The following ZNF609 variants were observed in gnomAD, a reference collection of about 807,000 sequenced individuals.
ZNF609 encodes zinc finger protein 609.
In ZNF609, 11 loss-of-function variants were observed where a neutral mutation model predicts 109.5. That is an observed-to-expected ratio of 0.10 (90% CI 0.06 to 0.17). The LOEUF (loss-of-function observed/expected upper bound fraction) is 0.17. ZNF609 is among the 10% of genes least tolerant of loss of function. The probability of loss-of-function intolerance (pLI) is 1.00; values close to 1 mark genes in which losing one functional copy is unlikely to be tolerated. For synonymous variants in ZNF609, 646 were observed against 662.0 expected (o/e 0.98, Z 0.37); for missense variants, 1,559 against 1,772.4 (o/e 0.88, Z 2.16).
In ZNF609 at chr15:64,674,678, C is replaced by T. The variant is rs375146342; in HGVS notation, c.1824C>T (p.Gly608=). The T allele has an allele frequency of 5.0e-6, 8 of 1,614,144 alleles. No individual in the cohort carries two copies. Among genetic ancestry groups the T allele is most frequent in the Non-Finnish European group, 6.8e-6 (8 of 1,180,046 alleles). Residue 608 remains glycine, a synonymous_variant, in exon 5 of 10, where the codon GGC becomes GGT. Transcript: ENST00000326648. ...DTDLGALSND[G]SDDGPSVMDE... ...ACCTTGGGGCCTTATCCAATGATGG[C>T]TCTGATGATGGACCCTCAGTGATGG...
Position 64,674,986 on chromosome 15 carries a change from T to C in ZNF609, c.2132T>C (p.Met711Thr), listed in dbSNP as rs370787772. The C allele has an allele frequency of 1.1e-4, 184 of 1,613,894 alleles. No homozygotes were observed. Among genetic ancestry groups the C allele is most frequent in the Non-Finnish European group, 1.4e-4 (171 of 1,180,018 alleles). Residue 711 changes from methionine (M) to threonine (T), a missense_variant, in exon 5 of 10, where the codon ATG becomes ACG. Met to Thr is a moderately conservative substitution (Grantham distance 81). Around this residue, in one of 4 missense-constraint regions of ZNF609, gnomAD observed 1,204 missense variants for 1,314.1 expected, o/e 0.92. Transcript: ENST00000326648. ...LKPIQPKPTVMGEPFTVNPAL... is the reference protein window; with the variant it reads ...LKPIQPKPTVTGEPFTVNPAL... ...CCCATTCAGCCCAAGCCCACTGTTA[T>C]GGGAGAACCTTTCACAGTCAACCCT...
chr15:64,486,642 G>T (rs555171859), intron 1 of ZNF609, among the ~76,000 whole-genome samples: 1 of 151,714 alleles, frequency 6.6e-6, no homozygotes, highest in South Asian at 2.1e-4. Context: ...TCAAGACACA[G>T]TCTTGCTCTG....
chr15:64,594,906 G>A (rs1255765981), intron 2 of ZNF609, among the ~76,000 whole-genome samples: 17 of 141,056 alleles, frequency 1.2e-4, no homozygotes, highest in Admixed American at 1.2e-3. Flanking sequence ...GGTGCCTGTA[G>A]TCCCAGCTAC....
rs1895898469 is a variant in ZNF609 at position 64,622,886 on chromosome 15, C to T, written c.807C>T (p.Val269=). The T allele has an allele frequency of 6.2e-6, 10 of 1,614,168 alleles. No homozygotes were observed. Among genetic ancestry groups the T allele is most frequent in the Non-Finnish European group, 8.5e-6 (10 of 1,179,998 alleles). The change falls in exon 3 of 10, where the codon GTC becomes GTT. Residue 269 remains valine (V), a synonymous_variant. Coordinates refer to ENST00000326648, the MANE Select transcript of ZNF609 (RefSeq NM_015042.2). The stretch of plus-strand genomic sequence containing the variant: ...CAATACACCTTTTGGTGCCAGTGGT[C>T]AACAATGACATCTCATCTCCCTGTG... ...VLPIHLLVPV[V]NNDISSPCEQ...
chr15:64,636,506 A>G (rs1314373413), intron 3 of ZNF609, among the ~76,000 whole-genome samples: 2 of 152,154 alleles, frequency 1.3e-5, no homozygotes, highest in Non-Finnish European at 2.9e-5. Context: ...TTGGTGAACA[A>G]CCTGCATTCT....
rs551470028 is a variant in ZNF609 at position 64,633,808 on chromosome 15, G to C, written c.973+10756G>C. ...AGGCAGGAGAATCGCTTGAACCCGG[G>C]AGGTAGAGGTTGCAGTGAGCCGAGA... On this transcript the variant is annotated intron_variant, in intron 3 of 9. Coordinates refer to ENST00000326648, the MANE Select transcript of ZNF609 (RefSeq NM_015042.2). Among the ~76,000 whole-genome samples, 8 of 151,886 alleles carry C rather than the reference G, an allele frequency of 5.3e-5. No individual in the cohort carries two copies. The East Asian group carries it at 1.6e-3, about 30-fold the overall frequency.
intron 2 of ZNF609, among the ~76,000 whole-genome samples, chr15:64,506,432 G>T (rs1893638729): frequency 6.8e-6 from 1 of 147,094 alleles, no homozygotes; most frequent in Non-Finnish European, 1.5e-5. Flanking sequence ...CTTTAAGTTT[G>T]TCTTTAGGCC....
At chr15:64,553,912 T>C (rs910125187) in intron 2 of ZNF609, among the ~76,000 whole-genome samples, 2 of 152,188 alleles carry the variant, frequency 1.3e-5, no homozygotes, top group African/African-American at 4.8e-5. Flanking sequence ...AAATTTATTT[T>C]CATAAAGTGA....
intron 2 of ZNF609, among the ~76,000 whole-genome samples, chr15:64,548,140 C>T (rs537605931): frequency 6.6e-6 from 1 of 152,264 alleles, no homozygotes; most frequent in East Asian, 1.9e-4. Flanking sequence ...GCTGCGATCC[C>T]TCAACCACAA....
At chr15:64,632,939 AT>A (rs1447903875) in intron 3 of ZNF609, among the ~76,000 whole-genome samples, 3 of 150,130 alleles carry the variant, frequency 2.0e-5, no homozygotes, top group African/African-American at 7.4e-5. Context: ...TGCCCAACTA[AT>A]TTTTTTTGTT....
chr15:64,632,514 C>T (rs1447012110), intron 3 of ZNF609, among the ~76,000 whole-genome samples: 3 of 151,658 alleles, frequency 2.0e-5, no homozygotes, highest in Non-Finnish European at 4.4e-5. Flanking sequence ...CAGAGTCTTA[C>T]TCTGTCACCC....
chr15:64,575,633 A>G (rs1477361943), intron 2 of ZNF609, among the ~76,000 whole-genome samples: 1 of 152,134 alleles, frequency 6.6e-6, no homozygotes, highest in Non-Finnish European at 1.5e-5. Context: ...GGTTTTGTGT[A>G]CTATTAATTA....
chr15:64,680,027 A>G, intron 6 of ZNF609, among the ~76,000 whole-genome samples, 158 bp from the exon 7 acceptor site: 1 of 152,218 alleles, frequency 6.6e-6, no homozygotes, highest in East Asian at 1.9e-4. Flanking sequence ...AGAGCTCAGT[A>G]AAGAAAGGTC....
intron 2 of ZNF609, among the ~76,000 whole-genome samples, chr15:64,546,172 G>T (rs187309871): frequency 6.6e-6 from 1 of 152,288 alleles, no homozygotes; most frequent in Admixed American, 6.5e-5. Context: ...ACTTGATACT[G>T]TCTGTTGTTT....
intron 6 of ZNF609, 94 bp from the exon 7 acceptor site, chr15:64,680,091 C>T: frequency 1.5e-6 from 2 of 1,356,810 alleles, no homozygotes; most frequent in African/African-American, 1.4e-5. Flanking sequence ...CAGCCTGTGC[C>T]TAGGAAAGCT....
chr15:64,630,868 A>G (rs1422253553), intron 3 of ZNF609, among the ~76,000 whole-genome samples: 2 of 152,248 alleles, frequency 1.3e-5, no homozygotes, highest in Admixed American at 1.3e-4. Flanking sequence ...ACCAATACAA[A>G]TATTTCATAA....
intron 3 of ZNF609, among the ~76,000 whole-genome samples, chr15:64,660,838 A>G (rs1204718440): frequency 1.3e-5 from 2 of 152,136 alleles, no homozygotes; most frequent in South Asian, 2.1e-4. Flanking sequence ...CTTGAATGTC[A>G]TCTTCTTGAG....
chr15:64,641,695 C>A (rs1896261624), intron 3 of ZNF609, among the ~76,000 whole-genome samples: 1 of 151,898 alleles, frequency 6.6e-6, no homozygotes, highest in Admixed American at 6.6e-5. Context: ...TTTTAAAATC[C>A]CAGTCCCCAG....
intron 2 of ZNF609, among the ~76,000 whole-genome samples, chr15:64,579,576 G>A (rs576165307): frequency 6.6e-6 from 1 of 152,036 alleles, no homozygotes; most frequent in East Asian, 1.9e-4. Context: ...TAGGTGTGGT[G>A]GTAGGTGCCT....
Sources: allele counts gnomAD v4.1 joint callset (sites outside exome capture counted in the v4.1 genomes callset), GRCh38; gene constraint gnomAD v4.1.1; regional missense constraint gnomAD v4.1.1; transcripts MANE v1.5; gene names NCBI Gene and HGNC (gene_info 2026-07-23, HGNC 2026-07-21).